Variants in RBPJ observed in about 807,000 individuals in gnomAD.
RBPJ encodes recombination signal binding protein for immunoglobulin kappa J region.
RBPJ carries 9 observed loss-of-function variants against 67.8 expected under a neutral mutation model. The ratio of observed to expected loss-of-function variants is 0.13; its 90% CI spans 0.08 to 0.23. The LOEUF (loss-of-function observed/expected upper bound fraction) is 0.23. RBPJ is among the 10% of genes least tolerant of loss of function. The probability of loss-of-function intolerance (pLI) is 1.00; values close to 1 mark genes in which losing one functional copy is unlikely to be tolerated. For missense variants in RBPJ, 305 were observed against 595.6 expected (o/e 0.51, Z 5.08); for synonymous variants, 198 against 203.3 (o/e 0.97, Z 0.22).
At chr4:26,203,918 T>C (rs191444414) in intron 1 of RBPJ, among the ~76,000 whole-genome samples, 97 of 152,340 alleles carry the variant, frequency 6.4e-4, no homozygotes, top group African/African-American at 2.2e-3. Flanking sequence ...GTCTCAGCTA[T>C]GTTGTTTAAA....
intron 1 of RBPJ, among the ~76,000 whole-genome samples, chr4:26,177,747 T>C (rs977199710): frequency 6.6e-6 from 1 of 152,236 alleles, no homozygotes; most frequent in Admixed American, 6.5e-5. Context: ...GAGTAATATA[T>C]ACTTATCTTA....
At chr4:26,416,285 G>T (rs1734581684) in intron 4 of RBPJ, among the ~76,000 whole-genome samples, 2 of 152,072 alleles carry the variant, frequency 1.3e-5, no homozygotes, top group Admixed American at 6.6e-5. Context: ...CCGGGACAGG[G>T]TTTTTACTCT....
intron 1 of RBPJ, among the ~76,000 whole-genome samples, chr4:26,186,553 C>T (rs529515525): frequency 9.2e-5 from 14 of 152,066 alleles, no homozygotes; most frequent in African/African-American, 3.1e-4. Flanking sequence ...TGAGCGAGAC[C>T]CTCTGAGGTC....
intron 1 of RBPJ, among the ~76,000 whole-genome samples, chr4:26,245,651 A>C (rs1719903706): frequency 6.6e-6 from 1 of 152,190 alleles, no homozygotes; most frequent in East Asian, 1.9e-4. Context: ...TCATTGCCTA[A>C]TCCACAGTCA....
intron 1 of RBPJ, among the ~76,000 whole-genome samples, chr4:26,173,668 C>A (rs1216115901): frequency 1.3e-5 from 2 of 152,168 alleles, no homozygotes; most frequent in Admixed American, 1.3e-4. Flanking sequence ...TGTGGGCTGG[C>A]TGGAAACATA....
intron 1 of RBPJ, among the ~76,000 whole-genome samples, chr4:26,179,203 T>C (rs1283519576): frequency 6.6e-6 from 1 of 151,766 alleles, no homozygotes; most frequent in Non-Finnish European, 1.5e-5. Context: ...CAGTGTTAGA[T>C]GTTTTGAAAG....
chr4:26,428,525 A>G lies in RBPJ; in HGVS notation c.748-195A>G, dbSNP rs10517097. 0.086 allele frequency: 42,709 copies of G among 496,538 alleles called. 2,474 individuals are homozygous for G. Among genetic ancestry groups the G allele is most frequent in the East Asian group, 0.25 (7,477 of 29,780 alleles). 30.8% of individuals were successfully genotyped at this position (496,538 alleles called of 1,614,324 possible). Reference sequence around the variant, plus strand: ...AGAGGGTAACAGTTTCTACATTCTGACATGCTTGCAATCTAAAAGTGTTTT... The same window carrying G: ...AGAGGGTAACAGTTTCTACATTCTGGCATGCTTGCAATCTAAAAGTGTTTT... On this transcript the variant is annotated intron_variant, in intron 7 of 10. Transcript: ENST00000355476.
chr4:26,271,001 A>G (rs1241452260), intron 1 of RBPJ, among the ~76,000 whole-genome samples: 1 of 152,030 alleles, frequency 6.6e-6, no homozygotes, highest in Non-Finnish European at 1.5e-5. Context: ...TACAACTTTT[A>G]TACAGTATAT....
chr4:26,411,365 CTT>C (rs369163154), intron 3 of RBPJ, among the ~76,000 whole-genome samples: 1 of 144,974 alleles, frequency 6.9e-6, no homozygotes, highest in African/African-American at 2.5e-5. Flanking sequence ...GTATTCTTGC[CTT>C]TTTTTTTTGT....
chr4:26,204,910 T>A (rs1718117191), intron 1 of RBPJ, among the ~76,000 whole-genome samples: 1 of 152,206 alleles, frequency 6.6e-6, no homozygotes, highest in Non-Finnish European at 1.5e-5. Context: ...TCTCACCCCC[T>A]GCACTCATTT....
rs1463988602 is a variant in RBPJ, at chr4:26,427,996, G to A, written c.748-724G>A. Reference sequence around the variant, plus strand: ...TATTCATGTGTTTTGTAGACTAGTTGCGTTATAAGCTTTAGAGATCAGTTG... The same window carrying A: ...TATTCATGTGTTTTGTAGACTAGTTACGTTATAAGCTTTAGAGATCAGTTG... On this transcript the variant is annotated intron_variant, in intron 7 of 10. Coordinates refer to ENST00000355476, the MANE Select transcript of RBPJ (RefSeq NM_015874.6). Among the ~76,000 whole-genome samples the A allele has an allele frequency of 2.0e-5, 3 of 152,148 alleles. No homozygotes were observed. In the East Asian group the frequency reaches 5.8e-4, roughly 29 times the overall value.
At chr4:26,111,170 C>T in the RBPJ span, among the ~76,000 whole-genome samples, 4 of 152,050 alleles carry the variant, frequency 2.6e-5, no homozygotes, top group African/African-American at 9.7e-5. Flanking sequence ...CTTGTCTCCA[C>T]TCTACTGTCA....
chr4:26,420,825 C>A (rs1735056606), intron 5 of RBPJ, 100 bp downstream of exon 5: 3 of 907,864 alleles, frequency 3.3e-6, no homozygotes, highest in Non-Finnish European at 4.9e-6. Flanking sequence ...CCAATTAATT[C>A]TTTACTAATA....
chr4:26,125,854 G>A, the RBPJ span, among the ~76,000 whole-genome samples: 26 of 152,102 alleles, frequency 1.7e-4, no homozygotes, highest in African/African-American at 4.1e-4. Flanking sequence ...CCCTCATGGC[G>A]GATTATAGGA....
intron 1 of RBPJ, among the ~76,000 whole-genome samples, chr4:26,266,484 C>T (rs1227679435): frequency 1.3e-5 from 2 of 152,070 alleles, no homozygotes; most frequent in Non-Finnish European, 2.9e-5. Context: ...CTAGGGGAAA[C>T]TTAGCAAGGC....
intron 1 of RBPJ, among the ~76,000 whole-genome samples, chr4:26,341,947 G>C (rs913934716): frequency 9.2e-5 from 14 of 152,168 alleles, no homozygotes; most frequent in African/African-American, 3.4e-4. Context: ...TCCTAGAATA[G>C]CCAAGAAGGG....
At chr4:26,311,990 C>T (rs1057298550) in intron 1 of RBPJ, among the ~76,000 whole-genome samples, 6 of 152,054 alleles carry the variant, frequency 3.9e-5, no homozygotes, top group African/African-American at 1.4e-4. Flanking sequence ...CTCTGAGCAC[C>T]CTGTTATAAA....
chr4:26,207,991 T>C (rs1718230387), intron 1 of RBPJ, among the ~76,000 whole-genome samples: 2 of 152,198 alleles, frequency 1.3e-5, no homozygotes, highest in Non-Finnish European at 1.5e-5. Flanking sequence ...GTCCTCACAA[T>C]TGCCCTGCCA....
chr4:26,138,314 T>C, the RBPJ span, among the ~76,000 whole-genome samples: 1 of 151,622 alleles, frequency 6.6e-6, no homozygotes, highest in Non-Finnish European at 1.5e-5. Context: ...CCTGGTTACA[T>C]CAATCTTCTG....
Sources: gnomAD v4.1 joint callset for allele counts (sites outside exome capture counted in the v4.1 genomes callset) on GRCh38, gnomAD v4.1.1 for gene constraint, MANE v1.5 for transcripts, NCBI Gene and HGNC (gene_info 2026-07-23, HGNC 2026-07-21) for gene names.